SLC24A3: variants seen among roughly 807,000 people sequenced by gnomAD.
The protein encoded by SLC24A3 is solute carrier family 24 member 3.
Under a neutral mutation model 75.8 loss-of-function variants are expected in SLC24A3, and 28 were observed. The ratio of observed to expected loss-of-function variants is 0.37; its 90% CI spans 0.27 to 0.51. The LOEUF (loss-of-function observed/expected upper bound fraction) is 0.51, where lower values mean the gene tolerates loss of function less well. Among genes scored for constraint, SLC24A3 ranks in the 20% least tolerant of loss-of-function variants. SLC24A3 has a pLI of 0.94. For missense variants in SLC24A3, 663 were observed against 847.8 expected (o/e 0.78, Z 2.71); for synonymous variants, 372 against 334.1 (o/e 1.11, Z -1.24).
Position 19,480,449 on chromosome 20 carries a change from A to G in SLC24A3, c.272-35039A>G, listed in dbSNP as rs141856328. ...GCCTTTGGGACTATATTACATCATT[A>G]CACACACAGCTGCCTGAATTCGGGG... is the stretch of plus-strand genomic sequence containing the variant. On this transcript the variant is annotated intron_variant, in intron 2 of 16. Coordinates refer to ENST00000328041, the MANE Select transcript of SLC24A3 (RefSeq NM_020689.4). Among the ~76,000 whole-genome samples the G allele has an allele frequency of 3.9e-3, 590 of 152,324 alleles. 3 individuals are homozygous for G. Among genetic ancestry groups the G allele is most frequent in the African/African-American group, 0.013 (560 of 41,566 alleles).
intron 7 of SLC24A3, among the ~76,000 whole-genome samples, chr20:19,658,190 G>A (rs2032286398): frequency 6.6e-6 from 1 of 152,146 alleles, no homozygotes; most frequent in African/African-American, 2.4e-5. Context: ...CAAACCATGG[G>A]GCCTGGAGAC....
intron 2 of SLC24A3, among the ~76,000 whole-genome samples, chr20:19,405,489 A>G (rs1456758296): frequency 6.6e-6 from 1 of 152,230 alleles, no homozygotes; most frequent in Non-Finnish European, 1.5e-5. Context: ...ATTTTGAGTC[A>G]GGGAATAAAC....
At chr20:19,399,438 A>G (rs995423710) in intron 2 of SLC24A3, among the ~76,000 whole-genome samples, 2 of 152,116 alleles carry the variant, frequency 1.3e-5, no homozygotes, top group African/African-American at 2.4e-5. Flanking sequence ...TTGATATGGT[A>G]TGTTTTTATT....
chr20:19,603,568 G>C (rs1044416100), intron 6 of SLC24A3, among the ~76,000 whole-genome samples: 1 of 152,186 alleles, frequency 6.6e-6, no homozygotes, highest in African/African-American at 2.4e-5. Context: ...CGCCCAGCAG[G>C]CTGGCTGTTG....
chr20:19,312,505 GC>G lies in SLC24A3; in HGVS notation c.271+31420del, dbSNP rs1361579610. On this transcript the variant is annotated intron_variant, in intron 2 of 16. Coordinates refer to ENST00000328041, the MANE Select transcript of SLC24A3 (RefSeq NM_020689.4). Reference sequence around the variant, plus strand: ...AATCATTCTCCACTTACCTCCTCCAGCCACTCTGCACAAGGGTAACTGACCA... The same window carrying G: ...AATCATTCTCCACTTACCTCCTCCAGCACTCTGCACAAGGGTAACTGACCA... 2.0e-4 allele frequency among the ~76,000 whole-genome samples: 30 copies of G among 152,240 alleles called. No homozygotes were observed. The South Asian group carries it at 2.1e-3, about 11-fold the overall frequency.
chr20:19,574,338 T>C lies in SLC24A3; in HGVS notation c.349-5662T>C, dbSNP rs1003273851. ...GTGGCTCTTTTTATTATCTGGGCTG[T>C]ATCTGTTACCTGTACATCAAAGGAC... On this transcript the variant is annotated intron_variant, in intron 3 of 16. Transcript: ENST00000328041. Among the ~76,000 whole-genome samples, 52 of 152,392 alleles carry C rather than the reference T, an allele frequency of 3.4e-4. 1 individual carries two copies. Among genetic ancestry groups the C allele is most frequent in the Middle Eastern group, 6.8e-3 (2 of 294 alleles).
At chr20:19,609,351 C>A (rs1369100707) in intron 6 of SLC24A3, among the ~76,000 whole-genome samples, 3 of 151,346 alleles carry the variant, frequency 2.0e-5, no homozygotes, top group Non-Finnish European at 4.4e-5. Context: ...TTCTGTCCTA[C>A]CACAATAGAG....
intron 1 of SLC24A3, among the ~76,000 whole-genome samples, chr20:19,228,018 G>A (rs1981916951): frequency 6.6e-6 from 1 of 152,110 alleles, no homozygotes; most frequent in African/African-American, 2.4e-5. Flanking sequence ...CAAGATTCAT[G>A]ATTATTTCTC....
intron 2 of SLC24A3, among the ~76,000 whole-genome samples, chr20:19,367,357 T>C (rs575583454): frequency 6.6e-6 from 1 of 152,188 alleles, no homozygotes; most frequent in Non-Finnish European, 1.5e-5. Flanking sequence ...AGACAATTGT[T>C]TGGCAAAGAA....
intron 6 of SLC24A3, among the ~76,000 whole-genome samples, chr20:19,647,768 A>G (rs946124759): frequency 2.6e-5 from 4 of 152,256 alleles, no homozygotes; most frequent in Non-Finnish European, 4.4e-5. Context: ...ATTGTTCAGC[A>G]AGATCAATGA....
Position 19,667,319 on chromosome 20 carries a change from A to T in SLC24A3, c.713+1430A>T, listed in dbSNP as rs147624274. ...GTGACCAATAGGCTGAAAGGAATTG[A>T]CATGCCCAGGAGCACCCCAGATCAG... On this transcript the variant is annotated intron_variant, in intron 8 of 16. Coordinates refer to ENST00000328041, the MANE Select transcript of SLC24A3 (RefSeq NM_020689.4). 2.6e-5 allele frequency among the ~76,000 whole-genome samples: 4 copies of T among 152,334 alleles called. No homozygotes were observed. In the East Asian group the frequency reaches 7.7e-4, roughly 29 times the overall value.
At chr20:19,403,683 C>T (rs117266533) in intron 2 of SLC24A3, among the ~76,000 whole-genome samples, 20 of 152,184 alleles carry the variant, frequency 1.3e-4, no homozygotes, top group African/African-American at 1.7e-4. Context: ...GAGTTAGTCA[C>T]GCAGAGATGT....
At chr20:19,228,377 C>T (rs773414947) in intron 1 of SLC24A3, among the ~76,000 whole-genome samples, 37 of 152,232 alleles carry the variant, frequency 2.4e-4, no homozygotes, top group African/African-American at 5.8e-4. Context: ...CGGTGGCTCA[C>T]GCCTGTAATC....
At chr20:19,371,938 A>T (rs916470514) in intron 2 of SLC24A3, among the ~76,000 whole-genome samples, 2 of 152,144 alleles carry the variant, frequency 1.3e-5, no homozygotes, top group Non-Finnish European at 2.9e-5. Flanking sequence ...TGTGGAAGTC[A>T]TGTCTGTGTC....
chr20:19,301,720 C>G (rs1984200807), intron 2 of SLC24A3, among the ~76,000 whole-genome samples: 1 of 151,966 alleles, frequency 6.6e-6, no homozygotes, highest in Non-Finnish European at 1.5e-5. Flanking sequence ...TTTAGTCGCC[C>G]CCTTATGTGA....
At chr20:19,669,873 T>A (rs76055057) in intron 8 of SLC24A3, among the ~76,000 whole-genome samples, 4 of 152,136 alleles carry the variant, frequency 2.6e-5, no homozygotes, top group Non-Finnish European at 4.4e-5. Flanking sequence ...AGGGACCCGT[T>A]GAAAATGATT....
chr20:19,248,973 C>T (rs1309148378), intron 1 of SLC24A3, among the ~76,000 whole-genome samples: 1 of 150,714 alleles, frequency 6.6e-6, no homozygotes, highest in Non-Finnish European at 1.5e-5. Context: ...TAATGGTTTC[C>T]AGAGGCTGGG....
At chr20:19,377,984 G>T (rs1986115169) in intron 2 of SLC24A3, among the ~76,000 whole-genome samples, 1 of 152,178 alleles carries the variant, frequency 6.6e-6, no homozygotes, top group African/African-American at 2.4e-5. Context: ...TGACAGCCGA[G>T]GAGCTTTTAC....
rs149399279 is a variant in SLC24A3, at chr20:19,574,028, A to G, written c.349-5972A>G. Among the ~76,000 whole-genome samples, 274 of 152,342 alleles carry G rather than the reference A, an allele frequency of 1.8e-3. 1 individual carries two copies. The highest frequency in any genetic ancestry group is 6.2e-3 in the African/African-American group (259 of 41,578). On this transcript the variant is annotated intron_variant, in intron 3 of 16. Transcript: ENST00000328041. The stretch of plus-strand genomic sequence containing the variant: ...CTTCTTTGTTGAAGGACAGTAACTT[A>G]TTAAGTCTTAGACCCTTCCCACCAA...
Sources: allele counts gnomAD v4.1 joint callset (sites outside exome capture counted in the v4.1 genomes callset), GRCh38; gene constraint gnomAD v4.1.1; transcripts MANE v1.5; gene names NCBI Gene and HGNC (gene_info 2026-07-23, HGNC 2026-07-21).